The following CSF1R variants were observed in gnomAD, a reference collection of about 807,000 sequenced individuals.
CSF1R encodes the protein colony stimulating factor 1 receptor.
CSF1R carries 40 observed loss-of-function variants against 110.0 expected under a neutral mutation model. The ratio of observed to expected loss-of-function variants is 0.36; its 90% CI spans 0.28 to 0.47. The LOEUF (loss-of-function observed/expected upper bound fraction) is 0.47. Ranked by LOEUF, CSF1R falls within the 20% of genes least tolerant of loss-of-function variation. CSF1R has a pLI of 0.99. For missense variants in CSF1R, 1,052 were observed against 1,253.0 expected, an observed-to-expected ratio of 0.84 and a Z score of 2.42; for synonymous variants, 523 against 503.4, an observed-to-expected ratio of 1.04 and a Z score of -0.52.
At chr5:150,103,033 G>A (rs1759450857) in intron 1 of CSF1R, among the ~76,000 whole-genome samples, 1 of 152,202 alleles carries the variant, frequency 6.6e-6, no homozygotes, top group East Asian at 1.9e-4. Context: ...ACAGGCCTGG[G>A]TCACAGGCAA....
rs1204112030 is a variant in CSF1R, at chr5:150,095,110, T to TG, written c.-180-8504dup. 15 of 341,932 alleles carry TG rather than the reference T, an allele frequency of 4.4e-5. No homozygotes were observed. The South Asian group carries it at 4.4e-4, about 10-fold the overall frequency. The allele number at this position is 341,932 out of a possible 1,614,324, so 21.2% of individuals were successfully genotyped here. On this transcript the variant is annotated intron_variant, in intron 1 of 21. Coordinates refer to the CSF1R transcript ENST00000286301. ...TAATAAACAGTACCTGCTCTCAAAT[T>TG]GGAAAAAAAAAAAAAAAAAAAAAGA...
intron 12 of CSF1R, 58 bp downstream of exon 12, chr5:150,061,433 G>GCCCCCCC: frequency 9.9e-7 from 1 of 1,009,616 alleles, no homozygotes; most frequent in African/African-American, 1.7e-5. Context: ...ACCAGGGCCA[G>GCCCCCCC]CCCACCCCCA....
At chr5:150,097,182 G>A (rs373173554) in intron 1 of CSF1R, among the ~76,000 whole-genome samples, 119 of 152,164 alleles carry the variant, frequency 7.8e-4, no homozygotes, top group African/African-American at 2.4e-3. Flanking sequence ...AGCTCAGGAT[G>A]TCTAGCCTAC....
chr5:150,059,412 T>C (rs1466606971), intron 14 of CSF1R, among the ~76,000 whole-genome samples: 2 of 152,220 alleles, frequency 1.3e-5, no homozygotes, highest in African/African-American at 2.4e-5. Flanking sequence ...CACTGGGTGG[T>C]GATTTCATTG....
At chr5:150,102,872 T>A (rs916963803) in intron 1 of CSF1R, among the ~76,000 whole-genome samples, 8 of 152,246 alleles carry the variant, frequency 5.3e-5, no homozygotes, top group African/African-American at 1.9e-4. Context: ...TCTCTGCTAA[T>A]GTTCTTTTGG....
intron 2 of CSF1R, 105 bp downstream of exon 2, chr5:150,080,662 C>T (rs1359692274): frequency 5.7e-6 from 8 of 1,411,568 alleles, no homozygotes; most frequent in Non-Finnish European, 7.8e-6. Flanking sequence ...TCATAGCCAG[C>T]ACTCAGTAAA....
chr5:150,058,727 T>G (rs1471153666), intron 14 of CSF1R, among the ~76,000 whole-genome samples: 2 of 151,754 alleles, frequency 1.3e-5, no homozygotes, highest in African/African-American at 2.4e-5. Context: ...AGAGATGGCC[T>G]CCTTCTCTTT....
rs1757095371 is a variant in CSF1R at position 150,054,424 on chromosome 5, G to A, written c.2661C>T (p.Ser887=). The change falls in exon 20 of 21, where the codon AGC becomes AGT. Residue 887 remains serine (S), a synonymous_variant. Transcript: ENST00000675795. ...CCAAGGCCCAGCAGGCCTGCATGAT[G>A]CTGTATCTGGGAGATAGGACAGAGG... ...QPAFAPKNIY[S]IMQACWALEP... The A allele has an allele frequency of 1.9e-6, 3 of 1,611,918 alleles. No individual in the cohort carries two copies. Among genetic ancestry groups the A allele is most frequent in the Non-Finnish European group, 2.5e-6 (3 of 1,178,886 alleles).
intron 2 of CSF1R, 81 bp from the exon 3 acceptor site, chr5:150,080,417 G>C: frequency 1.3e-6 from 2 of 1,506,574 alleles, no homozygotes; most frequent in Non-Finnish European, 1.8e-6. Context: ...TGACAAGGAA[G>C]CTCAGAGAGG....
intron 3 of CSF1R, 70 bp from the exon 4 acceptor site, chr5:150,078,318 T>A: frequency 6.4e-7 from 1 of 1,571,988 alleles, no homozygotes; most frequent in Admixed American, 1.8e-5. Context: ...CTCTCCTCCC[T>A]GCCATGGGCC....
chr5:150,108,545 C>T (rs531891694), intron 1 of CSF1R, among the ~76,000 whole-genome samples: 1 of 152,066 alleles, frequency 6.6e-6, no homozygotes, highest in Non-Finnish European at 1.5e-5. Flanking sequence ...AACACCAAGA[C>T]CATCACTATG....
chr5:150,061,263 G>A (rs1281672153), intron 12 of CSF1R, among the ~76,000 whole-genome samples: 2 of 152,154 alleles, frequency 1.3e-5, no homozygotes, highest in African/African-American at 2.4e-5. Flanking sequence ...ACTTTTTGGA[G>A]CTCAGTCAGG....
chr5:150,073,276 G>A, intron 6 of CSF1R, 25 bp downstream of exon 6: 1 of 1,602,734 alleles, frequency 6.2e-7, no homozygotes, highest in Non-Finnish European at 8.5e-7. Flanking sequence ...GTCGGGCTGT[G>A]TAGACGGGAG....
intron 1 of CSF1R, among the ~76,000 whole-genome samples, chr5:150,104,288 C>A (rs901332117): frequency 6.6e-6 from 1 of 152,246 alleles, no homozygotes; most frequent in Non-Finnish European, 1.5e-5. Context: ...GTGGAGGCTA[C>A]AGTAGTCCTG....
Position 150,054,201 on chromosome 5 carries a change from G to A in CSF1R, c.2787C>T (p.Ser929=). ...RERDYTNLPS[S]SRSGGSGSSS... Reference sequence around the variant, plus strand: ...TGCTGCCGCTGCCACCGCTTCTGCTGCTGCTCGGCAGATTGGTATAGTCCT... The same window carrying A: ...TGCTGCCGCTGCCACCGCTTCTGCTACTGCTCGGCAGATTGGTATAGTCCT... Residue 929 remains serine (S), a synonymous_variant, in exon 21 of 21, where the codon AGC becomes AGT. Transcript: ENST00000675795. 2 of 1,611,670 alleles carry A rather than the reference G, an allele frequency of 1.2e-6. No homozygotes were observed. The highest frequency in any genetic ancestry group is 1.3e-5 in the African/African-American group (1 of 74,956).
intron 6 of CSF1R, among the ~76,000 whole-genome samples, chr5:150,072,064 G>A (rs1489246900): frequency 1.3e-5 from 2 of 151,540 alleles, no homozygotes; most frequent in African/African-American, 4.9e-5. Flanking sequence ...GACCTGTGTT[G>A]AGGAGGACTC....
At chr5:150,080,411 A>C in intron 2 of CSF1R, 75 bp from the exon 3 acceptor site, 1 of 1,536,786 alleles carries the variant, frequency 6.5e-7, no homozygotes, top group Non-Finnish European at 8.8e-7. Context: ...CATAGGTGAC[A>C]AGGAAGCTCA....
intron 1 of CSF1R, among the ~76,000 whole-genome samples, chr5:150,085,954 C>G (rs1211085110): frequency 6.6e-6 from 1 of 152,146 alleles, no homozygotes; most frequent in African/African-American, 2.4e-5. Flanking sequence ...AATCTCAGGT[C>G]GCACCTGAGA....
intron 1 of CSF1R, among the ~76,000 whole-genome samples, chr5:150,083,824 C>A (rs1199968424): frequency 6.6e-6 from 1 of 152,144 alleles, no homozygotes; most frequent in African/African-American, 2.4e-5. Context: ...TGTAAAGAGC[C>A]AATTTACTGA....
Sources: gnomAD v4.1 joint callset for allele counts (sites outside exome capture counted in the v4.1 genomes callset) on GRCh38, gnomAD v4.1.1 for gene constraint, MANE v1.5 for transcripts, NCBI Gene and HGNC (gene_info 2026-07-23, HGNC 2026-07-21) for gene names.